RYR3: variants seen among roughly 807,000 people sequenced by gnomAD.
RYR3 encodes brain ryanodine receptor-calcium release channel.
RYR3 carries 207 observed loss-of-function variants against 584.3 expected under a neutral mutation model. The ratio of observed to expected loss-of-function variants is 0.35; its 90% CI spans 0.32 to 0.40. The LOEUF (loss-of-function observed/expected upper bound fraction) is 0.40. Among genes scored for constraint, RYR3 ranks in the 10% least tolerant of loss-of-function variants. The probability of loss-of-function intolerance (pLI) is 1.00; values close to 1 mark genes in which losing one functional copy is unlikely to be tolerated. For missense variants in RYR3, 5,616 were observed against 6,089.2 expected (o/e 0.92, Z 2.59); for synonymous variants, 2,416 against 2,248.5 (o/e 1.07, Z -2.11).
At chr15:33,643,692 G>T (rs1366499165) in intron 27 of RYR3, among the ~76,000 whole-genome samples, 1 of 152,194 alleles carries the variant, frequency 6.6e-6, no homozygotes, top group Admixed American at 6.5e-5. Context: ...TGGGGAAGAT[G>T]CTGGGTCCAG....
chr15:33,548,081 G>T, intron 8 of RYR3, 49 bp from the exon 9 acceptor site: 1 of 1,352,064 alleles, frequency 7.4e-7, no homozygotes, highest in Non-Finnish European at 1.1e-6. Flanking sequence ...TCACCCGGGT[G>T]CTGATCAGTG....
intron 101 of RYR3, among the ~76,000 whole-genome samples, 164 bp downstream of exon 101, chr15:33,860,823 C>G (rs1887916520): frequency 6.6e-6 from 1 of 150,942 alleles, no homozygotes; most frequent in South Asian, 2.1e-4. Flanking sequence ...CCCTGCCAGG[C>G]CGGCCACTCT....
chr15:33,386,276 C>T (rs949900137), intron 1 of RYR3, among the ~76,000 whole-genome samples: 1 of 152,094 alleles, frequency 6.6e-6, no homozygotes, highest in Non-Finnish European at 1.5e-5. Context: ...AACTCATTGG[C>T]GTTTCATTCC....
intron 2 of RYR3, among the ~76,000 whole-genome samples, chr15:33,494,117 TC>T (rs1472349019): frequency 6.6e-6 from 1 of 151,818 alleles, no homozygotes; most frequent in Non-Finnish European, 1.5e-5. Context: ...TTTTTTTAGC[TC>T]TTTATCACAT....
At chr15:33,325,511 C>T (rs1969549401) in intron 1 of RYR3, among the ~76,000 whole-genome samples, 1 of 152,138 alleles carries the variant, frequency 6.6e-6, no homozygotes, top group Non-Finnish European at 1.5e-5. Flanking sequence ...TCCTTCTAGT[C>T]CTCATCTTCC....
rs1209770616 is a variant in RYR3, at chr15:33,412,962, G to A, written c.52-60457G>A. ...ATGTACTCCATCTTTCTCTTTCTGT[G>A]CTCTTTGAGAATGAGAAATGGTCTA... is the stretch of plus-strand genomic sequence containing the variant. On this transcript the variant is annotated intron_variant, in intron 1 of 103. Transcript: ENST00000634891. This position sits in a 1 kb window ranked among gnomAD's most constrained non-coding sequence, Gnocchi z 4.3. 1.3e-5 allele frequency among the ~76,000 whole-genome samples: 2 copies of A among 152,128 alleles called. No homozygotes were observed. The highest frequency in any genetic ancestry group is 4.8e-5 in the African/African-American group (2 of 41,416).
intron 3 of RYR3, among the ~76,000 whole-genome samples, chr15:33,529,624 G>C (rs1426640189): frequency 6.6e-6 from 1 of 152,134 alleles, no homozygotes; most frequent in Non-Finnish European, 1.5e-5. Context: ...TGCATGTTTG[G>C]GGAGGGGAGG....
At chr15:33,448,869 T>TGGCTGC (rs1479914678) in intron 1 of RYR3, among the ~76,000 whole-genome samples, 2 of 152,116 alleles carry the variant, frequency 1.3e-5, no homozygotes, top group Admixed American at 1.3e-4. Context: ...TGATTGGAAG[T>TGGCTGC]GGCTGCGGCT....
intron 48 of RYR3, among the ~76,000 whole-genome samples, chr15:33,734,352 C>A (rs189220371): frequency 6.6e-6 from 1 of 152,298 alleles, no homozygotes; most frequent in Non-Finnish European, 1.5e-5. Flanking sequence ...TTGCACTTTG[C>A]CGCTTCAAAA....
intron 86 of RYR3, among the ~76,000 whole-genome samples, chr15:33,833,019 A>G (rs55973903): frequency 0.3 from 28,454 of 96,036 alleles, 3,002 homozygotes; most frequent in Non-Finnish European, 0.37. Flanking sequence ...AAAAAAAAAA[A>G]AAGAGCCAAA....
chr15:33,351,616 A>G (rs1973269342), intron 1 of RYR3, among the ~76,000 whole-genome samples: 1 of 151,152 alleles, frequency 6.6e-6, no homozygotes, highest in Admixed American at 6.6e-5. Context: ...TATGCAAATC[A>G]ATAAATGTAA....
At chr15:33,605,420 A>T (rs991086291) in intron 18 of RYR3, among the ~76,000 whole-genome samples, 1 of 152,212 alleles carries the variant, frequency 6.6e-6, no homozygotes, top group Non-Finnish European at 1.5e-5. Context: ...CATGCCGAAC[A>T]TCACTAGCAG....
intron 1 of RYR3, among the ~76,000 whole-genome samples, chr15:33,369,299 C>T (rs779305804): frequency 4.6e-5 from 7 of 152,184 alleles, no homozygotes; most frequent in African/African-American, 7.2e-5. Flanking sequence ...TCCCTATAGC[C>T]TACCCAAACC....
intron 1 of RYR3, among the ~76,000 whole-genome samples, chr15:33,362,903 T>C (rs1974973918): frequency 1.3e-5 from 2 of 152,148 alleles, no homozygotes; most frequent in South Asian, 4.1e-4. Context: ...GCACTTCCCT[T>C]ATAACACCTG....
intron 1 of RYR3, among the ~76,000 whole-genome samples, chr15:33,457,840 C>A (rs537800684): frequency 6.6e-6 from 1 of 152,254 alleles, no homozygotes; most frequent in African/African-American, 2.4e-5. Flanking sequence ...CACAAACTTG[C>A]AATTATGTGT....
chr15:33,588,989 G>A (rs2058993740), intron 16 of RYR3, among the ~76,000 whole-genome samples: 1 of 152,144 alleles, frequency 6.6e-6, no homozygotes, highest in Non-Finnish European at 1.5e-5. Flanking sequence ...GGGATTGCTG[G>A]ATCAAAAATG....
rs567499299 is a variant in RYR3, at chr15:33,860,752, GC to G, written c.14364+95del. On this transcript the variant is annotated intron_variant, in intron 101 of 103. Coordinates refer to ENST00000634891, the MANE Select transcript of RYR3 (RefSeq NM_001036.6). Reference sequence around the variant, plus strand: ...ACAATAGGTTTTACTATTACTTAGGGCCAGTACTAAGCAAGAACGCAGTTTG... The same window carrying G: ...ACAATAGGTTTTACTATTACTTAGGGCAGTACTAAGCAAGAACGCAGTTTG... 2.8e-3 allele frequency: 2,713 copies of G among 968,690 alleles called. 22 individuals carry two copies. The highest frequency in any genetic ancestry group is 7.3e-3 in the South Asian group (451 of 62,158). 60.0% of individuals were successfully genotyped at this position (968,690 alleles called of 1,614,324 possible).
chr15:33,580,062 C>G lies in RYR3; in HGVS notation c.1355C>G (p.Pro452Arg). The G allele has an allele frequency of 6.2e-7, 1 of 1,613,656 alleles. No homozygotes were observed. The change falls in exon 13 of 104, where the codon CCC becomes CGC. Residue 452 changes from proline (P) to arginine (R), a missense_variant. Pro to Arg is a moderately radical substitution (Grantham distance 103). Transcript: ENST00000634891. ...TLQDLIAYFQ[P>R]PEEEMRHEDK... The stretch of plus-strand genomic sequence containing the variant: ...CAGGACTTGATCGCCTACTTCCAGC[C>G]CCCAGAGGAGGAGATGCGACATGAA...
In RYR3 at chr15:33,325,725, T is replaced by TCTTCCTTC. The variant is rs67855881; in HGVS notation, c.51+14674_51+14681dup. ...CCCCTCTCTGCCTTCCCCCTCCCCCTCTTCCTTCCTTCCTTCCTTCCTTCC... is the reference window on the plus strand; with the variant it reads ...CCCCTCTCTGCCTTCCCCCTCCCCCTCTTCCTTCCTTCCTTCCTTCCTTCCTTCCTTCC... On this transcript the variant is annotated intron_variant, in intron 1 of 103. Transcript: ENST00000634891. 2.7e-3 allele frequency among the ~76,000 whole-genome samples: 243 copies of TCTTCCTTC among 91,488 alleles called. 1 individual carries two copies. Among genetic ancestry groups the TCTTCCTTC allele is most frequent in the Admixed American group, 6.0e-3 (46 of 7,648 alleles). The allele number at this position is 91,488 out of a possible 152,430, so 60.0% of individuals were successfully genotyped here.
Sources: gnomAD v4.1 joint callset for allele counts (sites outside exome capture counted in the v4.1 genomes callset) on GRCh38, gnomAD v4.1.1 for gene constraint, Gnocchi (gnomAD v3.1) non-coding constraint, MANE v1.5 for transcripts, NCBI Gene and HGNC (gene_info 2026-07-23, HGNC 2026-07-21) for gene names.